SERINC1: variants seen among roughly 807,000 people sequenced by gnomAD.
SERINC1 encodes the protein serine incorporator 1.
SERINC1 carries 38 observed loss-of-function variants against 52.9 expected under a neutral mutation model. The observed-to-expected ratio is 0.72, with a 90% CI of 0.55 to 0.94. The LOEUF (loss-of-function observed/expected upper bound fraction) is 0.94, where lower values mean the gene tolerates loss of function less well. SERINC1 is among the 40% of genes least tolerant of loss of function. The pLI is 0.00. For missense variants in SERINC1, 471 were observed against 533.9 expected (o/e 0.88, Z 1.16); for synonymous variants, 198 against 183.1 (o/e 1.08, Z -0.66).
chr6:122,456,966 G>A (rs1775008668), intron 2 of SERINC1, among the ~76,000 whole-genome samples: 1 of 152,090 alleles, frequency 6.6e-6, no homozygotes. Context: ...TGTTTTAGTA[G>A]TGTAAGTGCT....
At chr6:122,467,713 A>G (rs1430830782) in intron 1 of SERINC1, among the ~76,000 whole-genome samples, 1 of 152,266 alleles carries the variant, frequency 6.6e-6, no homozygotes, top group Non-Finnish European at 1.5e-5. Flanking sequence ...ACACAAATAA[A>G]GAACTAACAT....
At chr6:122,469,681 G>A (rs772621767) in intron 1 of SERINC1, among the ~76,000 whole-genome samples, 4 of 152,066 alleles carry the variant, frequency 2.6e-5, no homozygotes, top group African/African-American at 7.2e-5. Flanking sequence ...TCAGCCTCCC[G>A]AGTAGCTGGG....
chr6:122,468,896 CA>C (rs955045699), intron 1 of SERINC1, among the ~76,000 whole-genome samples: 14 of 148,474 alleles, frequency 9.4e-5, no homozygotes, highest in South Asian at 4.3e-4. Flanking sequence ...CTCACCCATT[CA>C]AAAAAAAAAT....
chr6:122,445,883 CAAAAAAA>C (rs71018202), intron 9 of SERINC1, among the ~76,000 whole-genome samples: 1 of 62,836 alleles, frequency 1.6e-5, no homozygotes, highest in Non-Finnish European at 2.8e-5. Context: ...GACTCCATTT[CAAAAAAA>C]AAAAAAAAAA....
chr6:122,469,649 C>CA (rs1775241879), intron 1 of SERINC1, among the ~76,000 whole-genome samples: 2 of 152,106 alleles, frequency 1.3e-5, no homozygotes, highest in South Asian at 4.1e-4. Context: ...CTCCGTCTCC[C>CA]AGTTCAAGCA....
Position 122,456,656 on chromosome 6 carries a change from AAAAC to A in SERINC1, c.202-10_202-7del, listed in dbSNP as rs1775001913. 6.4e-7 allele frequency: 1 copy of A among 1,565,718 alleles called. No individual in the cohort carries two copies. The highest frequency in any genetic ancestry group is 1.2e-5 in the South Asian group (1 of 81,554). ...TTCTCACAAAATCCAGGAATCTAGA[AAAAC>A]AAAAGAGTTTATGATCCATCATTTT... On this transcript the variant is annotated splice_polypyrimidine_tract_variant and splice_region_variant and intron_variant, in intron 2 of 9. Transcript: ENST00000339697.
At chr6:122,454,540 G>A in intron 3 of SERINC1, 1 of 265,272 alleles carries the variant, frequency 3.8e-6, no homozygotes, top group Non-Finnish European at 7.6e-6. Context: ...AAGTCAACAT[G>A]TGAAAGGAAT....
chr6:122,445,407 T>C (rs986634269), intron 9 of SERINC1, among the ~76,000 whole-genome samples: 1 of 152,174 alleles, frequency 6.6e-6, no homozygotes, highest in African/African-American at 2.4e-5. Flanking sequence ...GAAATAGTTA[T>C]TTTGCATAAT....
chr6:122,461,770 A>G (rs1361094850), intron 1 of SERINC1, among the ~76,000 whole-genome samples: 1 of 152,162 alleles, frequency 6.6e-6, no homozygotes, highest in Non-Finnish European at 1.5e-5. Flanking sequence ...GCAGAATTAA[A>G]CTACCAGAAA....
chr6:122,447,032 G>A (rs1562212308), intron 8 of SERINC1, 28 bp from the exon 9 acceptor site: 9 of 1,567,762 alleles, frequency 5.7e-6, no homozygotes, highest in African/African-American at 2.7e-5. Context: ...TAGGAGGAGA[G>A]AAAAAAAAGA....
intron 1 of SERINC1, among the ~76,000 whole-genome samples, chr6:122,460,263 A>G (rs1775078689): frequency 6.6e-6 from 1 of 152,030 alleles, no homozygotes; most frequent in Admixed American, 6.6e-5. Context: ...TTGTAGTTTT[A>G]GTAGACAGGG....
chr6:122,445,331 C>T, intron 9 of SERINC1, 152 bp from the exon 10 acceptor site: 6 of 726,828 alleles, frequency 8.3e-6, no homozygotes, highest in African/African-American at 1.8e-5. Flanking sequence ...CCCTTTCTTT[C>T]CACACTGCTA....
At position 122,458,569 on chromosome 6, in the gene SERINC1, C is replaced by T; in HGVS notation, c.152G>A (p.Cys51Tyr). Residue 51 changes from cysteine to tyrosine, a missense_variant, in exon 2 of 10, where the codon TGT becomes TAT. Cys to Tyr is a radical substitution (Grantham distance 194). Coordinates refer to ENST00000339697, the MANE Select transcript of SERINC1 (RefSeq NM_020755.4). ...IYALFLLVGV[C>Y]VACVMLIPGM... is the part of the protein sequence containing the mutation. ...TGGTATCAACATTACACAAGCTACA[C>T]ATACTCCAACAAGCAAGAAAAGTGC... 1 of 1,613,384 alleles carries T rather than the reference C, an allele frequency of 6.2e-7. No individual in the cohort carries two copies. The highest frequency in any genetic ancestry group is 8.5e-7 in the Non-Finnish European group (1 of 1,179,424).
chr6:122,460,317 C>T (rs752801008), intron 1 of SERINC1, among the ~76,000 whole-genome samples: 8 of 152,142 alleles, frequency 5.3e-5, no homozygotes, highest in Non-Finnish European at 8.8e-5. Context: ...TCAGGTGATC[C>T]GCCTACCTCG....
chr6:122,456,493 GC>G lies in SERINC1; in HGVS notation c.358del (p.Ala120GlnfsTer36). On this transcript the variant is annotated frameshift_variant, in exon 3 of 10. Transcript: ENST00000339697. LOFTEE classifies it high-confidence loss of function. ...TTTAAAAACTTACCCATTGTGCACT[GC>G]AGCTCTAGGATCACTGCTACTCTTC... ...KVKSSSDPRAAVHNGFWFFKF... is the reference protein window; with the variant it reads ...KVKSSSDPRAXVHNGFWFFKF... The G allele has an allele frequency of 6.3e-7, 1 of 1,585,578 alleles. No individual in the cohort carries two copies. The highest frequency in any genetic ancestry group is 1.2e-5 in the South Asian group (1 of 84,198).
intron 9 of SERINC1, among the ~76,000 whole-genome samples, chr6:122,445,649 G>A (rs529938017): frequency 6.6e-6 from 1 of 151,222 alleles, no homozygotes; most frequent in South Asian, 2.1e-4. Flanking sequence ...AAGAGACTGG[G>A]AAGGAAATAT....
chr6:122,466,148 T>C (rs934729577), intron 1 of SERINC1, among the ~76,000 whole-genome samples: 1 of 152,084 alleles, frequency 6.6e-6, no homozygotes, highest in Non-Finnish European at 1.5e-5. Flanking sequence ...GCATTTGAAC[T>C]TGGGAGGCGG....
At chr6:122,466,090 C>A (rs772124777) in intron 1 of SERINC1, among the ~76,000 whole-genome samples, 25 of 151,984 alleles carry the variant, frequency 1.6e-4, no homozygotes, top group South Asian at 4.1e-4. Flanking sequence ...AAAAATTACC[C>A]AGGGATGGTG....
chr6:122,460,176 G>A (rs563095101), intron 1 of SERINC1, among the ~76,000 whole-genome samples: 1 of 152,256 alleles, frequency 6.6e-6, no homozygotes, highest in African/African-American at 2.4e-5. Flanking sequence ...GGGTTCAAGG[G>A]ATTTTCCTGC....
Sources: allele counts gnomAD v4.1 joint callset (sites outside exome capture counted in the v4.1 genomes callset), GRCh38; gene constraint gnomAD v4.1.1; transcripts MANE v1.5; gene names NCBI Gene and HGNC (gene_info 2026-07-23, HGNC 2026-07-21).